Variants in SLC9D1 observed in about 807,000 individuals in gnomAD.
SLC9D1 encodes the protein putative LAG1-interacting protein.
the SLC9D1 span, chr13:113,510,417 CAAAG>C: frequency 2.5e-6 from 4 of 1,611,380 alleles, no homozygotes; most frequent in South Asian, 2.2e-5. Context: ...CTCGGGGTGA[CAAAG>C]AAGGTAGGTG....
chr13:113,545,406 A>T, the SLC9D1 span, among the ~76,000 whole-genome samples: 5 of 152,232 alleles, frequency 3.3e-5, no homozygotes, highest in Non-Finnish European at 5.9e-5. Flanking sequence ...TACACCAAGT[A>T]TAGGTTTGAT....
the SLC9D1 span, among the ~76,000 whole-genome samples, chr13:113,538,090 G>T: frequency 6.6e-6 from 1 of 150,732 alleles, no homozygotes; most frequent in Admixed American, 6.7e-5. Context: ...GCCTTGTGTG[G>T]AATGTTACAT....
chr13:113,510,473 A>G, the SLC9D1 span: 1 of 1,563,286 alleles, frequency 6.4e-7, no homozygotes, highest in Non-Finnish European at 8.7e-7. Flanking sequence ...GCTCGTGTGT[A>G]GGTGACTTTT....
the SLC9D1 span, among the ~76,000 whole-genome samples, chr13:113,523,827 A>T: frequency 6.6e-6 from 1 of 151,906 alleles, no homozygotes; most frequent in Non-Finnish European, 1.5e-5. Context: ...TTTTATTTTC[A>T]TTTTGTTCAA....
At chr13:113,494,307 G>T in the SLC9D1 span, among the ~76,000 whole-genome samples, 2 of 152,108 alleles carry the variant, frequency 1.3e-5, no homozygotes, top group Non-Finnish European at 2.9e-5. Context: ...AAATTCCACG[G>T]ACTCTACGTT....
the SLC9D1 span, chr13:113,500,038 A>G: frequency 6.3e-7 from 1 of 1,593,696 alleles, no homozygotes; most frequent in Non-Finnish European, 8.6e-7. Context: ...CAAAACGAGA[A>G]GTGGAGGATG....
At chr13:113,498,617 A>C in the SLC9D1 span, 2 of 1,004,472 alleles carry the variant, frequency 2.0e-6, no homozygotes, top group Non-Finnish European at 2.9e-6. Flanking sequence ...TTTTTAATGT[A>C]GATTGAAAAT....
At chr13:113,522,541 T>G in the SLC9D1 span, among the ~76,000 whole-genome samples, 2 of 152,114 alleles carry the variant, frequency 1.3e-5, no homozygotes. Flanking sequence ...GGGGTTCCAC[T>G]GTGTTAGCCA....
chr13:113,537,962 T>C, the SLC9D1 span, among the ~76,000 whole-genome samples: 2 of 152,022 alleles, frequency 1.3e-5, no homozygotes, highest in Non-Finnish European at 2.9e-5. Flanking sequence ...TGCATGTGTG[T>C]GCTTTGTGGT....
chr13:113,522,616 A>G, the SLC9D1 span, among the ~76,000 whole-genome samples: 1 of 152,156 alleles, frequency 6.6e-6, no homozygotes, highest in Non-Finnish European at 1.5e-5. Flanking sequence ...CTGGGATTAT[A>G]GGCGTGAGCA....
the SLC9D1 span, among the ~76,000 whole-genome samples, chr13:113,516,214 T>C: frequency 1.3e-5 from 2 of 152,220 alleles, no homozygotes; most frequent in African/African-American, 4.8e-5. Flanking sequence ...TATTTGTTCC[T>C]TGAGATGCAC....
chr13:113,492,670 G>T, the SLC9D1 span, among the ~76,000 whole-genome samples: 1 of 152,194 alleles, frequency 6.6e-6, no homozygotes, highest in African/African-American at 2.4e-5. Flanking sequence ...GGCTGAGGTG[G>T]GTGGATCACC....
the SLC9D1 span, among the ~76,000 whole-genome samples, chr13:113,544,632 C>T: frequency 2.0e-5 from 3 of 152,234 alleles, no homozygotes; most frequent in Non-Finnish European, 2.9e-5. Flanking sequence ...TATCTCTCAC[C>T]GTTGTGGGGG....
the SLC9D1 span, among the ~76,000 whole-genome samples, chr13:113,540,946 C>T: frequency 6.6e-6 from 1 of 152,132 alleles, no homozygotes; most frequent in African/African-American, 2.4e-5. Flanking sequence ...GGCCAGCGAT[C>T]CCAGCACTGT....
chr13:113,509,756 G>A, the SLC9D1 span, among the ~76,000 whole-genome samples: 3 of 152,118 alleles, frequency 2.0e-5, no homozygotes, highest in African/African-American at 7.2e-5. Context: ...ATTATTTTAC[G>A]ATTGAAGCGT....
At chr13:113,515,914 A>AAG in the SLC9D1 span, among the ~76,000 whole-genome samples, 34 of 143,522 alleles carry the variant, frequency 2.4e-4, no homozygotes, top group African/African-American at 9.0e-4. Flanking sequence ...AAAAAAAAAA[A>AAG]GAAATGCAGC....
chr13:113,548,205 G>A, the SLC9D1 span: 19 of 1,383,310 alleles, frequency 1.4e-5, 1 homozygote, highest in Admixed American at 1.8e-4. Context: ...AGGGACCATC[G>A]CAGCGTGCCT....
the SLC9D1 span, chr13:113,496,116 G>A: frequency 1.3e-5 from 12 of 930,514 alleles, no homozygotes; most frequent in Non-Finnish European, 1.9e-5. Flanking sequence ...TCATCCTAGA[G>A]ACAGCCCACA....
the SLC9D1 span, chr13:113,549,677 A>T: frequency 9.0e-6 from 9 of 1,001,754 alleles, no homozygotes; most frequent in African/African-American, 1.4e-4. Flanking sequence ...CAGTCGTGTT[A>T]TCCCGGCTTT....
Sources: gnomAD v4.1 joint callset for allele counts (sites outside exome capture counted in the v4.1 genomes callset) on GRCh38, gnomAD v4.1.1 for gene constraint, MANE v1.5 for transcripts, NCBI Gene and HGNC (gene_info 2026-07-23, HGNC 2026-07-21) for gene names.